The following SPAG9 variants were observed in gnomAD, a reference collection of about 807,000 sequenced individuals.
SPAG9 encodes sperm associated antigen 9.
In SPAG9, 35 loss-of-function variants were observed where a neutral mutation model predicts 166.5. That is an observed-to-expected ratio of 0.21 (90% CI 0.16 to 0.28). The LOEUF (loss-of-function observed/expected upper bound fraction) is 0.28, where lower values mean the gene tolerates loss of function less well. Ranked by LOEUF, SPAG9 falls within the 10% of genes least tolerant of loss-of-function variation. The pLI, the probability that SPAG9 is intolerant of heterozygous loss-of-function variation, is 1.00. For missense variants in SPAG9, 1,235 were observed against 1,603.3 expected (o/e 0.77, Z 3.92); for synonymous variants, 534 against 565.5 (o/e 0.94, Z 0.79).
At chr17:51,098,197 T>G (rs1402983970) in intron 1 of SPAG9, among the ~76,000 whole-genome samples, 1 of 151,970 alleles carries the variant, frequency 6.6e-6, no homozygotes, top group African/African-American at 2.4e-5. Context: ...AATGTGCCAG[T>G]GTTGTAACAA....
chr17:51,060,731 C>T (rs2047486256), intron 2 of SPAG9, among the ~76,000 whole-genome samples: 1 of 152,050 alleles, frequency 6.6e-6, no homozygotes, highest in South Asian at 2.1e-4. Flanking sequence ...TTTCCAGCCT[C>T]CAGACTGTGA....
chr17:51,120,581 C>T lies in SPAG9; in HGVS notation c.76G>A (p.Gly26Ser), dbSNP rs1178069330. ...TCGCGGTAGATGGAGCCGGCCAGGCCGGACACCCGCTCCGACATCACGGCC... is the reference window on the plus strand; with the variant it reads ...TCGCGGTAGATGGAGCCGGCCAGGCTGGACACCCGCTCCGACATCACGGCC... ...SGAVMSERVS[G>S]LAGSIYREFE... is the part of the protein sequence containing the mutation. Residue 26 changes from glycine to serine, a missense_variant, in exon 1 of 30, where the codon GGC becomes AGC. Physicochemically the swap from Gly to Ser is moderately conservative, Grantham distance 56. Transcript: ENST00000262013. The surrounding 1 kb of genome is among the most constrained non-coding windows in gnomAD (Gnocchi z 4.7). The T allele has an allele frequency of 1.2e-6, 2 of 1,613,352 alleles. No homozygotes were observed. Among genetic ancestry groups the T allele is most frequent in the Admixed American group, 3.3e-5 (2 of 59,956 alleles).
At chr17:51,081,686 G>A (rs1284082222) in intron 1 of SPAG9, among the ~76,000 whole-genome samples, 3 of 149,432 alleles carry the variant, frequency 2.0e-5, no homozygotes, top group Non-Finnish European at 4.5e-5. Flanking sequence ...AGGTTGCGGT[G>A]AGCTGAGATC....
intron 7 of SPAG9, among the ~76,000 whole-genome samples, chr17:51,020,795 T>C (rs1439520118): frequency 1.3e-5 from 2 of 152,338 alleles, no homozygotes; most frequent in East Asian, 3.9e-4. Context: ...CTCAGGTCCC[T>C]TATATAAAAT....
chr17:51,076,845 G>A (rs1598136798), intron 2 of SPAG9, among the ~76,000 whole-genome samples: 1 of 152,172 alleles, frequency 6.6e-6, no homozygotes, highest in African/African-American at 2.4e-5. Flanking sequence ...TGTGTCTTTA[G>A]TGTTTGGTTC....
Position 51,021,229 on chromosome 17 carries a change from G to A in SPAG9, c.920C>T (p.Ala307Val), listed in dbSNP as rs141383989. 272 of 1,614,044 alleles carry A rather than the reference G, an allele frequency of 1.7e-4. No homozygotes were observed. In the East Asian group the frequency reaches 3.7e-3, roughly 22 times the overall value. The change falls in exon 7 of 30, where the codon GCG becomes GTG. Residue 307 changes from alanine to valine, a missense_variant. Transcript: ENST00000262013. Reference sequence around the variant, plus strand: ...TTTGCTTATCTCTGATTTATTTGGCGCATCTGTAACCTTCACAAATCCTTC... The same window carrying A: ...TTTGCTTATCTCTGATTTATTTGGCACATCTGTAACCTTCACAAATCCTTC... ...ENEGFVKVTDAPNKSEISKHI... is the reference protein window; with the variant it reads ...ENEGFVKVTDVPNKSEISKHI...
At chr17:50,975,711 TA>T (rs370326620) in intron 27 of SPAG9, among the ~76,000 whole-genome samples, 610 of 138,912 alleles carry the variant, frequency 4.4e-3, no homozygotes, top group Admixed American at 4.0e-3. Flanking sequence ...TAACAAACAT[TA>T]AAAAAAAAAA....
intron 4 of SPAG9, chr17:51,046,996 A>C: frequency 7.8e-7 from 1 of 1,278,742 alleles, no homozygotes; most frequent in Non-Finnish European, 1.0e-6. Context: ...TCCTACACCA[A>C]ACAGATGGCT....
chr17:51,107,686 G>A (rs138439187), intron 1 of SPAG9, among the ~76,000 whole-genome samples: 463 of 150,656 alleles, frequency 3.1e-3, no homozygotes, highest in African/African-American at 0.011. Flanking sequence ...GCAGTGAGCC[G>A]AGATCATGCC....
intron 6 of SPAG9, among the ~76,000 whole-genome samples, chr17:51,025,606 T>G (rs1201826511): frequency 6.6e-6 from 1 of 151,922 alleles, no homozygotes; most frequent in Non-Finnish European, 1.5e-5. Context: ...TAAGTGGTAT[T>G]TGGCTGGACA....
At chr17:51,117,085 TG>T (rs566058254) in intron 1 of SPAG9, among the ~76,000 whole-genome samples, 136 of 152,306 alleles carry the variant, frequency 8.9e-4, no homozygotes, top group African/African-American at 3.1e-3. Flanking sequence ...TTCTTTAGGT[TG>T]TTTTTAAAGA....
intron 1 of SPAG9, among the ~76,000 whole-genome samples, chr17:51,102,668 A>G (rs2048840379): frequency 6.6e-6 from 1 of 151,714 alleles, no homozygotes; most frequent in Admixed American, 6.6e-5. Context: ...ACACCTGGCT[A>G]ATTTTTTGTA....
Position 51,076,997 on chromosome 17 carries a change from G to GCTAGCTAGCTAGCTAT in SPAG9, c.424+2586_424+2587insATAGCTAGCTAGCTAG, listed in dbSNP as rs1568065202. ...TCTATCTATCTTATCTAGCTATCTA[G>GCTAGCTAGCTAGCTAT]CTATCTAGCTAGCTAGCTAGCTATC... is the stretch of plus-strand genomic sequence containing the variant. On this transcript the variant is annotated intron_variant, in intron 2 of 29. Coordinates refer to ENST00000262013, the MANE Select transcript of SPAG9 (RefSeq NM_001130528.3). 3.1e-3 allele frequency among the ~76,000 whole-genome samples: 301 copies of GCTAGCTAGCTAGCTAT among 97,050 alleles called. 2 individuals carry two copies. The highest frequency in any genetic ancestry group is 0.011 in the Middle Eastern group (2 of 188). 63.7% of individuals were successfully genotyped at this position (97,050 alleles called of 152,430 possible).
intron 1 of SPAG9, among the ~76,000 whole-genome samples, chr17:51,107,474 C>T (rs1191338397): frequency 4.6e-5 from 7 of 152,114 alleles, no homozygotes; most frequent in African/African-American, 1.4e-4. Flanking sequence ...CACGGTGGCT[C>T]ACGCCTGTAA....
At chr17:51,009,092 A>G in intron 9 of SPAG9, 1 of 444,126 alleles carries the variant, frequency 2.3e-6, no homozygotes, top group Non-Finnish European at 4.5e-6. Context: ...CACCTAGCTT[A>G]AAAAGCAGTA....
At position 51,093,690 on chromosome 17, in the gene SPAG9, G is replaced by A. The variant is rs867630038; in HGVS notation, c.304-13986C>T. Among the ~76,000 whole-genome samples the A allele has an allele frequency of 2.3e-3, 201 of 85,806 alleles. 1 individual carries two copies. Among genetic ancestry groups the A allele is most frequent in the African/African-American group, 9.5e-3 (178 of 18,762 alleles). 56.3% of individuals were successfully genotyped at this position (85,806 alleles called of 152,430 possible). ...AGCCTGGGCGACAGAGCAAGACTCC[G>A]TCTCAAAAAAAAAAAAAAAAAAAAA... On this transcript the variant is annotated intron_variant, in intron 1 of 29. Transcript: ENST00000262013.
chr17:51,015,188 A>G (rs1241161885), intron 8 of SPAG9, among the ~76,000 whole-genome samples: 1 of 152,222 alleles, frequency 6.6e-6, no homozygotes, highest in Non-Finnish European at 1.5e-5. Flanking sequence ...AAGTGATTCA[A>G]TAGACCAGAG....
At chr17:51,044,469 T>C (rs77388630) in intron 4 of SPAG9, among the ~76,000 whole-genome samples, 6,581 of 152,302 alleles carry the variant, frequency 0.043, 480 homozygotes, top group African/African-American at 0.15. Context: ...TTATTAAATG[T>C]TAGCTTATGT....
intron 3 of SPAG9, among the ~76,000 whole-genome samples, chr17:51,048,239 C>G (rs750803432): frequency 2.0e-5 from 3 of 151,832 alleles, no homozygotes; most frequent in Admixed American, 6.6e-5. Flanking sequence ...CTATTTGATT[C>G]TTGATAATAT....
Sources: gnomAD v4.1 joint callset for allele counts (sites outside exome capture counted in the v4.1 genomes callset) on GRCh38, gnomAD v4.1.1 for gene constraint, Gnocchi (gnomAD v3.1) non-coding constraint, MANE v1.5 for transcripts, NCBI Gene and HGNC (gene_info 2026-07-23, HGNC 2026-07-21) for gene names.